CCDC183: variants seen among roughly 807,000 people sequenced by gnomAD.
The protein encoded by CCDC183 is coiled-coil domain containing 183.
A neutral mutation model predicts 65.2 loss-of-function variants in CCDC183; 63 were observed. The observed-to-expected ratio is 0.97, with a 90% CI of 0.79 to 1.19. The LOEUF (loss-of-function observed/expected upper bound fraction) is 1.19, where lower values mean the gene tolerates loss of function less well. Ranked by LOEUF, CCDC183 falls within the 50% of genes most tolerant of loss-of-function variation. The pLI is 0.00. For missense variants in CCDC183, 769 were observed against 689.3 expected (o/e 1.12, Z -1.30); for synonymous variants, 323 against 276.5 (o/e 1.17, Z -1.67).
rs373655990 is a variant in CCDC183 at position 136,802,709 on chromosome 9, G to C, written c.589G>C (p.Val197Leu). Residue 197 changes from valine (V) to leucine (L), a missense_variant, in exon 6 of 14, where the codon GTG becomes CTG. Physicochemically the swap from Val to Leu is conservative, Grantham distance 32. Transcript: ENST00000338005. Reference sequence around the variant, plus strand: ...TGAGCTGGACAAGCTGCAGAACCTCGTGGTCAACTACTGCTCAGAGCTGTC... The same window carrying C: ...TGAGCTGGACAAGCTGCAGAACCTCCTGGTCAACTACTGCTCAGAGCTGTC... Reference protein sequence around the residue: ...PIELDKLQNLVVNYCSELSDM... With the variant: ...PIELDKLQNLLVNYCSELSDM... 6.2e-7 allele frequency: 1 copy of C among 1,613,522 alleles called. No individual in the cohort carries two copies. Among genetic ancestry groups the C allele is most frequent in the South Asian group, 1.1e-5 (1 of 91,072 alleles).
rs966502986 is a variant in CCDC183 at position 136,800,693 on chromosome 9, T to C, written c.543+200T>C. The stretch of plus-strand genomic sequence containing the variant: ...TATTCCAAAAAAGCATATCGTGGGG[T>C]ATATCAGAATTCTTCGGACTTTCTT... On this transcript the variant is annotated intron_variant, in intron 5 of 13. Transcript: ENST00000338005. 41 of 582,168 alleles carry C rather than the reference T, an allele frequency of 7.0e-5. No individual in the cohort carries two copies. In the African/African-American group the frequency reaches 7.3e-4, roughly 10 times the overall value. 36.1% of individuals were successfully genotyped at this position (582,168 alleles called of 1,614,324 possible). A position where few individuals can be genotyped will look rare whatever the true frequency, so the allele number is the denominator to read the frequency against.
intron 1 of CCDC183, 120 bp from the exon 2 acceptor site, chr9:136,798,982 A>AG: frequency 1.5e-6 from 2 of 1,372,096 alleles, no homozygotes; most frequent in Non-Finnish European, 2.0e-6. Context: ...TTGGCCATGG[A>AG]GGGGGCATCC....
chr9:136,805,311 T>C, intron 8 of CCDC183, 46 bp from the exon 9 acceptor site: 1 of 1,507,268 alleles, frequency 6.6e-7, no homozygotes, highest in Non-Finnish European at 9.1e-7. Context: ...ACAGAGCCCC[T>C]GAGCCATCCC....
chr9:136,804,678 G>A lies in CCDC183; in HGVS notation c.792+51G>A, dbSNP rs760328814. On this transcript the variant is annotated intron_variant, in intron 7 of 13. Coordinates refer to ENST00000338005, the MANE Select transcript of CCDC183 (RefSeq NM_001039374.5). The surrounding 1 kb of genome is among the most constrained non-coding windows in gnomAD (Gnocchi z 4.1). ...GGCTGCCCATCCCCATGACAGCTGG[G>A]TGGACACAGGCTCAGGGCCACCACT... 2.5e-6 allele frequency: 4 copies of A among 1,612,796 alleles called. No individual in the cohort carries two copies. In the East Asian group the frequency reaches 6.7e-5, roughly 27 times the overall value.
rs769777944 is a variant in CCDC183, at chr9:136,799,196, G to A, written c.165G>A (p.Gly55=). Reference sequence around the variant, plus strand: ...TCCTGCGCAGCAACATCCGCCGCGGGGCCCAGGACTGGGCTTTGGCCAAGA... The same window carrying A: ...TCCTGCGCAGCAACATCCGCCGCGGAGCCCAGGACTGGGCTTTGGCCAAGA... ...LALLRSNIRR[G]AQDWALAKKY... The change falls in exon 2 of 14, where the codon GGG becomes GGA. Residue 55 remains glycine (G), a synonymous_variant. Transcript: ENST00000338005. The A allele has an allele frequency of 1.1e-5, 18 of 1,609,740 alleles. No homozygotes were observed. Among genetic ancestry groups the A allele is most frequent in the Non-Finnish European group, 1.5e-5 (18 of 1,178,492 alleles).
At chr9:136,800,569 C>G (rs1037878684) in intron 5 of CCDC183, 76 bp downstream of exon 5, 3 of 1,069,608 alleles carry the variant, frequency 2.8e-6, no homozygotes, top group Middle Eastern at 4.1e-4. Context: ...TGGGGCGGAG[C>G]CGCCCCGCAC....
rs534356749 is a variant in CCDC183 at position 136,804,305 on chromosome 9, C to T, written c.667-197C>T. The T allele has an allele frequency of 1.5e-6, 1 of 684,658 alleles. No individual in the cohort carries two copies. The highest frequency in any genetic ancestry group is 1.9e-5 in the South Asian group (1 of 52,752). The allele number at this position is 684,658 out of a possible 1,614,324, so 42.4% of individuals were successfully genotyped here. On this transcript the variant is annotated intron_variant, in intron 6 of 13. Transcript: ENST00000338005. This position sits in a 1 kb window ranked among gnomAD's most constrained non-coding sequence, Gnocchi z 4.1. ...CAGAGCGTCTGGGCTGGCACATGCTCTGAGGCATGGGCAAGGAGGGCCGTG... is the reference window on the plus strand; with the variant it reads ...CAGAGCGTCTGGGCTGGCACATGCTTTGAGGCATGGGCAAGGAGGGCCGTG...
chr9:136,805,187 G>C, intron 8 of CCDC183, 170 bp from the exon 9 acceptor site: 1 of 621,862 alleles, frequency 1.6e-6, no homozygotes, highest in Non-Finnish European at 2.8e-6. Context: ...TCCCTGCAGG[G>C]CTGGGCTGAG....
At position 136,807,706 on chromosome 9, in the gene CCDC183, C is replaced by G. The variant is rs749495333; in HGVS notation, c.*16C>G. The G allele has an allele frequency of 6.9e-6, 11 of 1,586,340 alleles. No homozygotes were observed. Among genetic ancestry groups the G allele is most frequent in the Non-Finnish European group, 9.4e-6 (11 of 1,166,504 alleles). On this transcript the variant is annotated 3_prime_UTR_variant, in exon 14 of 14. Coordinates refer to ENST00000338005, the MANE Select transcript of CCDC183 (RefSeq NM_001039374.5). ...GAAGAAGTAGCCCCGCCGCCCCGCT[C>G]CCTGCTTTGCTACACAAATAAACAT...
intron 1 of CCDC183, 58 bp from the exon 2 acceptor site, chr9:136,799,044 T>G: frequency 1.2e-6 from 2 of 1,605,060 alleles, no homozygotes; most frequent in Non-Finnish European, 1.7e-6. Context: ...CCCCAGGGGA[T>G]TCCAGGCCAG....
intron 5 of CCDC183, 77 bp from the exon 6 acceptor site, chr9:136,802,587 T>A: frequency 6.5e-7 from 1 of 1,534,704 alleles, no homozygotes; most frequent in Non-Finnish European, 8.8e-7. Context: ...TTCTCAGGGC[T>A]CTTAGTCGGG....
Position 136,804,554 on chromosome 9 carries a change from A to G in CCDC183, c.719A>G (p.Glu240Gly), listed in dbSNP as rs894459097. Residue 240 changes from glutamate (E) to glycine (G), a missense_variant, in exon 7 of 14, where the codon GAG becomes GGG. Transcript: ENST00000338005. This position sits in a 1 kb window ranked among gnomAD's most constrained non-coding sequence, Gnocchi z 4.1. ...ASFIEERRARENRLNQQKKLI... is the reference protein window; with the variant it reads ...ASFIEERRARGNRLNQQKKLI... ...TTCATCGAGGAGCGCCGGGCAAGGG[A>G]GAACCGGCTCAACCAGCAGAAGAAG... is the stretch of plus-strand genomic sequence containing the variant. 3.1e-6 allele frequency: 5 copies of G among 1,613,486 alleles called. No individual in the cohort carries two copies. Among genetic ancestry groups the G allele is most frequent in the Admixed American group, 1.7e-5 (1 of 59,986 alleles).
intron 3 of CCDC183, 59 bp downstream of exon 3, chr9:136,799,849 C>A (rs375978347): frequency 4.8e-5 from 74 of 1,537,658 alleles, no homozygotes; most frequent in South Asian, 4.2e-4. Flanking sequence ...AGCACCCCCC[C>A]ACTAGATGTT....
intron 5 of CCDC183, 49 bp downstream of exon 5, chr9:136,800,542 G>T: frequency 7.3e-7 from 1 of 1,366,124 alleles, no homozygotes; most frequent in Non-Finnish European, 1.0e-6. Context: ...TGGGATCTGG[G>T]AGGGGCGGGA....
At chr9:136,802,010 C>CT in intron 5 of CCDC183, among the ~76,000 whole-genome samples, 1 of 152,232 alleles carries the variant, frequency 6.6e-6, no homozygotes, top group Middle Eastern at 3.4e-3. Flanking sequence ...AGGCTGGTCT[C>CT]TAACTCCTGA....
In CCDC183 at chr9:136,798,305, CTTAT is replaced by C. The variant is rs1847684040; in HGVS notation, c.71-790_71-787del. Among the ~76,000 whole-genome samples, 4 of 148,232 alleles carry C rather than the reference CTTAT, an allele frequency of 2.7e-5. No homozygotes were observed. In the South Asian group the frequency reaches 8.6e-4, roughly 32 times the overall value. ...ACAGGCATGAGCCACCGGCGCCTAGCTTATTTATTTTTTTGAGACAGAGTCTCAT... is the reference window on the plus strand; with the variant it reads ...ACAGGCATGAGCCACCGGCGCCTAGCTTATTTTTTTGAGACAGAGTCTCAT... On this transcript the variant is annotated intron_variant, in intron 1 of 13. Coordinates refer to ENST00000338005, the MANE Select transcript of CCDC183 (RefSeq NM_001039374.5).
chr9:136,800,601 G>C, intron 5 of CCDC183, 108 bp downstream of exon 5: 1 of 761,098 alleles, frequency 1.3e-6, no homozygotes, highest in Non-Finnish European at 2.2e-6. Context: ...AGGGAGCTCT[G>C]CCTGACCACC....
chr9:136,801,102 G>A (rs1039052546), intron 5 of CCDC183, among the ~76,000 whole-genome samples: 1 of 152,204 alleles, frequency 6.6e-6, no homozygotes, highest in Non-Finnish European at 1.5e-5. Context: ...ACTGGGCAAA[G>A]GGGAGCTCTG....
At chr9:136,799,557 G>A in intron 2 of CCDC183, 156 bp from the exon 3 acceptor site, 2 of 729,700 alleles carry the variant, frequency 2.7e-6, no homozygotes, top group Non-Finnish European at 4.5e-6. Context: ...TGGATGGCCA[G>A]GATGGGGTCC....
Sources: gnomAD v4.1 joint callset for allele counts (sites outside exome capture counted in the v4.1 genomes callset) on GRCh38, gnomAD v4.1.1 for gene constraint, Gnocchi (gnomAD v3.1) non-coding constraint, MANE v1.5 for transcripts, NCBI Gene and HGNC (gene_info 2026-07-23, HGNC 2026-07-21) for gene names.